BMERB1: variants seen among roughly 807,000 people sequenced by gnomAD.
BMERB1 encodes bMERB domain containing 1.
Under a neutral mutation model 23.6 loss-of-function variants are expected in BMERB1, and 12 were observed. The ratio of observed to expected loss-of-function variants is 0.51; its 90% confidence interval spans 0.33 to 0.82. The LOEUF is 0.82. Ranked by LOEUF, BMERB1 falls within the 40% of genes least tolerant of loss-of-function variation. The pLI, the probability that BMERB1 is intolerant of heterozygous loss-of-function variation, is 0.03. For missense variants in BMERB1, 247 were observed against 255.4 expected (o/e 0.97, Z 0.22); for synonymous variants, 122 against 96.6 (o/e 1.26, Z -1.54).
intron 2 of BMERB1, among the ~76,000 whole-genome samples, chr16:15,548,234 C>G (rs1167381302): frequency 6.6e-6 from 1 of 152,172 alleles, no homozygotes; most frequent in African/African-American, 2.4e-5. Flanking sequence ...ATCTGCTGGT[C>G]TTGGCCTTTC....
intron 1 of BMERB1, among the ~76,000 whole-genome samples, chr16:15,470,089 C>T (rs2051216141): frequency 2.0e-5 from 3 of 152,128 alleles, no homozygotes; most frequent in Admixed American, 2.0e-4. Flanking sequence ...ATCAGGTTCT[C>T]ACCATTAGGA....
At chr16:15,507,562 C>T (rs558961856) in intron 1 of BMERB1, among the ~76,000 whole-genome samples, 16 of 151,890 alleles carry the variant, frequency 1.1e-4, no homozygotes, top group Non-Finnish European at 2.4e-4. Context: ...TGGAAGTGTG[C>T]GTGAGAGACT....
intron 1 of BMERB1, among the ~76,000 whole-genome samples, chr16:15,476,314 C>A (rs2051274573): frequency 6.6e-6 from 1 of 152,038 alleles, no homozygotes; most frequent in African/African-American, 2.4e-5. Context: ...TGGCGCCCAC[C>A]ACCATACCCG....
chr16:15,559,257 A>G (rs1014168309), intron 2 of BMERB1, among the ~76,000 whole-genome samples: 1 of 152,214 alleles, frequency 6.6e-6, no homozygotes, highest in South Asian at 2.1e-4. Context: ...CTGGAAAAGT[A>G]TGTGTCTAGC....
intron 2 of BMERB1, among the ~76,000 whole-genome samples, chr16:15,517,476 A>G (rs2051776571): frequency 6.6e-6 from 1 of 151,990 alleles, no homozygotes; most frequent in Admixed American, 6.6e-5. Context: ...ATACCATTTC[A>G]CTCCAGTCTG....
At chr16:15,546,758 G>A (rs1486625801) in intron 2 of BMERB1, among the ~76,000 whole-genome samples, 1 of 152,130 alleles carries the variant, frequency 6.6e-6, no homozygotes, top group Non-Finnish European at 1.5e-5. Flanking sequence ...CAGTTGCTGG[G>A]GTGATTACCC....
At chr16:15,505,656 G>A (rs1055609103) in intron 1 of BMERB1, among the ~76,000 whole-genome samples, 10 of 152,152 alleles carry the variant, frequency 6.6e-5, no homozygotes, top group Admixed American at 4.6e-4. Context: ...TTGGGAGGCC[G>A]AGGTGGGTGG....
intron 1 of BMERB1, among the ~76,000 whole-genome samples, chr16:15,483,263 T>C (rs559688991): frequency 1.3e-5 from 2 of 152,352 alleles, no homozygotes; most frequent in African/African-American, 4.8e-5. Flanking sequence ...CGATTATTCC[T>C]CTAGGAAGAA....
intron 2 of BMERB1, among the ~76,000 whole-genome samples, chr16:15,528,624 G>A (rs182014931): frequency 1.4e-5 from 2 of 142,182 alleles, no homozygotes; most frequent in Non-Finnish European, 1.5e-5. Flanking sequence ...CCCACCCCCC[G>A]ATACACACAC....
chr16:15,560,536 A>C (rs2030387203), intron 2 of BMERB1, among the ~76,000 whole-genome samples: 1 of 152,138 alleles, frequency 6.6e-6, no homozygotes, highest in African/African-American at 2.4e-5. Flanking sequence ...TCATGCCTGT[A>C]ATCCCAGCAC....
At chr16:15,550,051 G>A (rs758839263) in intron 2 of BMERB1, among the ~76,000 whole-genome samples, 7 of 151,378 alleles carry the variant, frequency 4.6e-5, no homozygotes, top group Non-Finnish European at 8.9e-5. Flanking sequence ...CCGGGTTCAC[G>A]CCATGCTCCT....
intron 1 of BMERB1, among the ~76,000 whole-genome samples, chr16:15,493,061 T>C (rs1437038400): frequency 1.3e-5 from 2 of 152,036 alleles, no homozygotes; most frequent in Non-Finnish European, 2.9e-5. Context: ...GCAGTACCCC[T>C]TAAAACTGTC....
intron 2 of BMERB1, among the ~76,000 whole-genome samples, chr16:15,542,731 G>T (rs2052098353): frequency 7.2e-6 from 1 of 138,364 alleles, no homozygotes; most frequent in Non-Finnish European, 1.5e-5. Flanking sequence ...TTCAGTAAAT[G>T]TTAGCAGTGA....
chr16:15,513,910 T>C (rs2051709637), intron 1 of BMERB1, among the ~76,000 whole-genome samples: 2 of 151,964 alleles, frequency 1.3e-5, no homozygotes, highest in South Asian at 4.1e-4. Context: ...GAAAAAAAAG[T>C]GTGTCTGTGT....
At chr16:15,461,150 G>A (rs1315567077) in intron 1 of BMERB1, among the ~76,000 whole-genome samples, 1 of 150,906 alleles carries the variant, frequency 6.6e-6, no homozygotes, top group South Asian at 2.1e-4. Context: ...GAAGCTAGGC[G>A]CATCAGGGGC....
Position 15,434,646 on chromosome 16 carries a change from G to A in BMERB1, c.-8G>A. ...GGAGACCCGTCGACCTGGCCACGGG[G>A]ATCAGCGATGGAATTAAAGCAATCT... On this transcript the variant is annotated 5_prime_UTR_variant, in exon 1 of 6. Coordinates refer to ENST00000300006, the MANE Select transcript of BMERB1 (RefSeq NM_033201.3). 1.2e-6 allele frequency: 2 copies of A among 1,613,154 alleles called. No individual in the cohort carries two copies. Among genetic ancestry groups the A allele is most frequent in the African/African-American group, 1.3e-5 (1 of 75,046 alleles).
intron 1 of BMERB1, among the ~76,000 whole-genome samples, chr16:15,441,331 G>A (rs369828614): frequency 1.9e-4 from 29 of 151,048 alleles, no homozygotes; most frequent in Admixed American, 9.9e-4. Flanking sequence ...GGATTCTCCC[G>A]CCTCAGCCTC....
At chr16:15,496,774 G>A (rs766298028) in intron 1 of BMERB1, among the ~76,000 whole-genome samples, 3 of 152,028 alleles carry the variant, frequency 2.0e-5, no homozygotes, top group Admixed American at 2.0e-4. Flanking sequence ...TCCTGACCTC[G>A]TGATCTGCCC....
At chr16:15,559,247 C>A (rs1306213743) in intron 2 of BMERB1, among the ~76,000 whole-genome samples, 2 of 152,176 alleles carry the variant, frequency 1.3e-5, no homozygotes, top group African/African-American at 4.8e-5. Flanking sequence ...GCAAGAGAGC[C>A]TGGAAAAGTA....
Sources: allele counts gnomAD v4.1 joint callset (sites outside exome capture counted in the v4.1 genomes callset), GRCh38; gene constraint gnomAD v4.1.1; transcripts MANE v1.5; gene names NCBI Gene and HGNC (gene_info 2026-07-23, HGNC 2026-07-21).